The following TRPM3 variants were observed in gnomAD, a reference collection of about 807,000 sequenced individuals.
TRPM3 encodes the protein long transient receptor potential channel 3.
Under a neutral mutation model 181.2 loss-of-function variants are expected in TRPM3, and 77 were observed. The observed-to-expected ratio is 0.42, with a 90% confidence interval of 0.35 to 0.51. The LOEUF is 0.51. Among genes scored for constraint, TRPM3 ranks in the 20% least tolerant of loss-of-function variants. The pLI, the probability that TRPM3 is intolerant of heterozygous loss-of-function variation, is 0.01. For missense variants in TRPM3, 1,759 were observed against 2,196.7 expected, an observed-to-expected ratio of 0.80 and a Z score of 3.98; for synonymous variants, 745 against 796.4, an observed-to-expected ratio of 0.94 and a Z score of 1.09.
At chr9:71,334,753 T>C (rs778572935) in intron 1 of TRPM3, among the ~76,000 whole-genome samples, 18 of 152,192 alleles carry the variant, frequency 1.2e-4, no homozygotes, top group Admixed American at 2.0e-4. Context: ...GAAATCTGAT[T>C]AGTTGTTCTT....
At chr9:71,402,845 AT>A (rs200825220) in intron 1 of TRPM3, among the ~76,000 whole-genome samples, 3 of 151,028 alleles carry the variant, frequency 2.0e-5, no homozygotes, top group South Asian at 2.1e-4. Context: ...TGTAGGTCAG[AT>A]TTTTTTTTAA....
Position 71,306,031 on chromosome 9 carries a change from C to A in TRPM3, c.183+140622G>T, listed in dbSNP as rs1478583751. On this transcript the variant is annotated intron_variant, in intron 1 of 24. Coordinates refer to the TRPM3 transcript ENST00000357533. ...ATTTCACATTGACGGATCAATTCTC[C>A]TGTCAAGTTTGACAACTGTCATTAA... Among the ~76,000 whole-genome samples, 3 of 152,132 alleles carry A rather than the reference C, an allele frequency of 2.0e-5. No homozygotes were observed. In the East Asian group the frequency reaches 5.8e-4, roughly 29 times the overall value.
intron 1 of TRPM3, among the ~76,000 whole-genome samples, chr9:70,927,257 T>C (rs1405579300): frequency 6.6e-6 from 1 of 152,214 alleles, no homozygotes; most frequent in Non-Finnish European, 1.5e-5. Flanking sequence ...CTTAAATTTT[T>C]ATGGAAATTC....
chr9:70,772,047 G>A (rs1383614315), intron 7 of TRPM3, among the ~76,000 whole-genome samples: 1 of 151,986 alleles, frequency 6.6e-6, no homozygotes, highest in Admixed American at 6.6e-5. Flanking sequence ...GCTGACTGGA[G>A]GAAAGAATAT....
At chr9:70,654,238 T>G (rs1160292921) in intron 9 of TRPM3, among the ~76,000 whole-genome samples, 1 of 152,124 alleles carries the variant, frequency 6.6e-6, no homozygotes, top group African/African-American at 2.4e-5. Flanking sequence ...TATAGGTAAA[T>G]GAGGGACTGA....
chr9:70,555,428 C>T lies in TRPM3; in HGVS notation c.3224-2118G>A, dbSNP rs1371257191. Among the ~76,000 whole-genome samples, 6 of 152,220 alleles carry T rather than the reference C, an allele frequency of 3.9e-5. No homozygotes were observed. The East Asian group carries it at 9.6e-4, about 24-fold the overall frequency. On this transcript the variant is annotated intron_variant, in intron 22 of 25. Coordinates refer to ENST00000677713, the MANE Select transcript of TRPM3 (RefSeq NM_001366145.2). ...GGTGGAAGGTTGCTCCTCAAGATTT[C>T]CCATCATCTGGCTCAGTGCATACAC...
intron 7 of TRPM3, among the ~76,000 whole-genome samples, chr9:70,768,997 C>G (rs2079676564): frequency 6.6e-6 from 1 of 152,144 alleles, no homozygotes; most frequent in African/African-American, 2.4e-5. Context: ...TGGTTTTCAT[C>G]CTCATCATAT....
intron 9 of TRPM3, among the ~76,000 whole-genome samples, chr9:70,656,927 T>TG (rs1436273944): frequency 1.7e-5 from 2 of 119,624 alleles, no homozygotes; most frequent in Non-Finnish European, 3.5e-5. Context: ...TAAAAAAAAG[T>TG]GTTTTTTTTT....
At chr9:70,645,379 G>A (rs1184216636) in intron 9 of TRPM3, among the ~76,000 whole-genome samples, 1 of 152,144 alleles carries the variant, frequency 6.6e-6, no homozygotes, top group Non-Finnish European at 1.5e-5. Flanking sequence ...CAATGGAACA[G>A]AGCAGAGGCC....
chr9:71,421,170 A>G (rs142377559), intron 1 of TRPM3, among the ~76,000 whole-genome samples: 1 of 152,010 alleles, frequency 6.6e-6, no homozygotes, highest in African/African-American at 2.4e-5. Context: ...TTGGATAAAC[A>G]TGGACATAAA....
At chr9:71,080,203 T>TAAATA (rs1554820978) in intron 1 of TRPM3, among the ~76,000 whole-genome samples, 2 of 149,940 alleles carry the variant, frequency 1.3e-5, no homozygotes, top group African/African-American at 2.5e-5. Context: ...AATAAATAAA[T>TAAATA]AAATAAAATA....
intron 1 of TRPM3, among the ~76,000 whole-genome samples, chr9:71,325,288 T>C (rs181197231): frequency 7.9e-5 from 12 of 152,278 alleles, no homozygotes; most frequent in African/African-American, 2.4e-4. Context: ...CCAAAGTCAA[T>C]TTCTATGTTG....
chr9:71,224,130 G>T (rs768549837), intron 1 of TRPM3, among the ~76,000 whole-genome samples: 2 of 152,230 alleles, frequency 1.3e-5, no homozygotes, highest in African/African-American at 2.4e-5. Context: ...TGTAGTACCA[G>T]TGGTGGTGGG....
intron 1 of TRPM3, among the ~76,000 whole-genome samples, chr9:71,001,232 T>C (rs2097596451): frequency 6.6e-6 from 1 of 152,154 alleles, no homozygotes; most frequent in South Asian, 2.1e-4. Context: ...CCAGGAACCC[T>C]TGGGTCTGCC....
intron 22 of TRPM3, among the ~76,000 whole-genome samples, chr9:70,560,732 T>C (rs906326642): frequency 9.2e-5 from 14 of 152,220 alleles, no homozygotes; most frequent in African/African-American, 3.4e-4. Flanking sequence ...TGATTATTCT[T>C]GTCCCTATCA....
intron 1 of TRPM3, among the ~76,000 whole-genome samples, chr9:70,870,495 T>C (rs774560813): frequency 2.0e-5 from 3 of 152,048 alleles, no homozygotes; most frequent in Non-Finnish European, 4.4e-5. Flanking sequence ...TAATGACATA[T>C]ATAAACTTGC....
intron 24 of TRPM3, 93 bp downstream of exon 24, chr9:70,552,751 G>A (rs1398665956): frequency 1.5e-6 from 2 of 1,321,398 alleles, no homozygotes; most frequent in Non-Finnish European, 2.2e-6. Context: ...AGAGGTAGGA[G>A]GAACTAGGTG....
In TRPM3 at chr9:71,014,430, ATTTT is replaced by A. The variant is rs1590648611; in HGVS notation, c.177+106744_177+106747del. On this transcript the variant is annotated intron_variant, in intron 1 of 25. Transcript: ENST00000677713. ...TTGTTATATAGAACTTTTATATCTT[ATTTT>A]TTATCTGTTTGACTTGTTTGTGTGT... Among the ~76,000 whole-genome samples the A allele has an allele frequency of 2.0e-5, 3 of 152,084 alleles. No individual in the cohort carries two copies. In the East Asian group the frequency reaches 5.8e-4, roughly 29 times the overall value.
chr9:71,413,469 A>G (rs983416341), intron 1 of TRPM3, among the ~76,000 whole-genome samples: 16 of 152,218 alleles, frequency 1.1e-4, no homozygotes, highest in Middle Eastern at 3.4e-3. Context: ...GGATTTGTAC[A>G]CAGGCAGTTA....
Sources: allele counts gnomAD v4.1 joint callset (sites outside exome capture counted in the v4.1 genomes callset), GRCh38; gene constraint gnomAD v4.1.1; transcripts MANE v1.5; gene names NCBI Gene and HGNC (gene_info 2026-07-23, HGNC 2026-07-21).